The following ZDHHC3 variants were observed in gnomAD, a reference collection of about 807,000 sequenced individuals.
The protein encoded by ZDHHC3 is zDHHC palmitoyltransferase 3, also known as palmitoyltransferase ZDHHC3.
A neutral mutation model predicts 30.6 loss-of-function variants in ZDHHC3; 9 were observed. The ratio of observed to expected loss-of-function variants is 0.29; its 90% CI spans 0.18 to 0.51. The LOEUF (loss-of-function observed/expected upper bound fraction) is 0.51, where lower values mean the gene tolerates loss of function less well. Among genes scored for constraint, ZDHHC3 ranks in the 20% least tolerant of loss-of-function variants. The pLI is 0.97. For synonymous variants in ZDHHC3, 136 were observed against 140.2 expected (o/e 0.97, Z 0.21); for missense variants, 246 against 384.2 (o/e 0.64, Z 3.01).
At chr3:44,937,918 T>A (rs1702118218) in intron 3 of ZDHHC3, 3 of 489,126 alleles carry the variant, frequency 6.1e-6, no homozygotes, top group Admixed American at 4.2e-5. Flanking sequence ...TCTGCCCTGA[T>A]CATCAAAGCC....
Position 44,933,111 on chromosome 3 carries a change from T to A in ZDHHC3, c.610+7A>T, listed in dbSNP as rs1019440117. ...GAGCAGGGAGGAAAGCCTCAGCACA[T>A]ACTCACTTGTCCAATCTTCTTCAAA... On this transcript the variant is annotated splice_region_variant and intron_variant, in intron 5 of 6. Coordinates refer to ENST00000424952, the MANE Select transcript of ZDHHC3 (RefSeq NM_001135179.2). 5 of 1,613,952 alleles carry A rather than the reference T, an allele frequency of 3.1e-6. No homozygotes were observed. Among genetic ancestry groups the A allele is most frequent in the Non-Finnish European group, 2.5e-6 (3 of 1,179,974 alleles).
chr3:44,975,791 C>CAT (rs1705921952), intron 1 of ZDHHC3, 142 bp downstream of exon 1: 1 of 160,386 alleles, frequency 6.2e-6, no homozygotes, highest in Non-Finnish European at 1.3e-5. Flanking sequence ...CACACACACA[C>CAT]ACACACACAC....
rs905621107 is a variant in ZDHHC3, at chr3:44,923,066, A to G, written c.*3623T>C. On this transcript the variant is annotated 3_prime_UTR_variant, in exon 7 of 7. Transcript: ENST00000424952. ...TCTGTGTAATGCCAACCTCACATAC[A>G]TGTTTAAAATGTTTGTTTTTTTTTT... 6 of 973,924 alleles carry G rather than the reference A, an allele frequency of 6.2e-6. No individual in the cohort carries two copies. The highest frequency in any genetic ancestry group is 7.2e-6 in the Non-Finnish European group (6 of 828,162). 60.3% of individuals were successfully genotyped at this position (973,924 alleles called of 1,614,324 possible). A position where few individuals can be genotyped will look rare whatever the true frequency, so the allele number is the denominator to read the frequency against.
At chr3:44,951,336 G>A (rs1703429571) in intron 2 of ZDHHC3, among the ~76,000 whole-genome samples, 4 of 152,206 alleles carry the variant, frequency 2.6e-5, no homozygotes. Flanking sequence ...TTTCAGTGCA[G>A]AAGGAACATA....
Position 44,959,370 on chromosome 3 carries a change from T to A in ZDHHC3, c.67A>T (p.Lys23Ter), listed in dbSNP as rs1380170338. ...ERKPEYLQPE[K>*]CVPPPYPGPV... ...CCAGGGTAGGGGGGTGGGACACACT[T>A]CTCTGGCTGGAGGTATTCTGGTTTC... The change falls in exon 2 of 7, where the codon AAG becomes TAG. Residue 23 changes from lysine to a stop codon, truncating the protein, a stop_gained. Transcript: ENST00000424952. LOFTEE classifies it high-confidence loss of function. This position sits in a 1 kb window ranked among gnomAD's most constrained non-coding sequence, Gnocchi z 4.3. The A allele has an allele frequency of 6.2e-7, 1 of 1,614,094 alleles. No homozygotes were observed. The highest frequency in any genetic ancestry group is 8.5e-7 in the Non-Finnish European group (1 of 1,180,042).
At chr3:44,929,784 AG>A (rs1207280505) in intron 5 of ZDHHC3, among the ~76,000 whole-genome samples, 8 of 152,202 alleles carry the variant, frequency 5.3e-5, no homozygotes, top group African/African-American at 1.9e-4. Context: ...ACGACACCAC[AG>A]GGGACCCTGC....
chr3:44,922,581 C>T lies in ZDHHC3; in HGVS notation c.*4108G>A, dbSNP rs1700672756. On this transcript the variant is annotated 3_prime_UTR_variant, in exon 7 of 7. Transcript: ENST00000424952. ...TCTCACAATCAGCACACCCCAACTG[C>T]ACTATGCTGAGCCCAGCAGCACACA... The T allele has an allele frequency of 4.1e-6, 4 of 985,384 alleles. No homozygotes were observed. Among genetic ancestry groups the T allele is most frequent in the Non-Finnish European group, 4.8e-6 (4 of 829,918 alleles). 61.0% of individuals were successfully genotyped at this position (985,384 alleles called of 1,614,324 possible).
intron 1 of ZDHHC3, among the ~76,000 whole-genome samples, chr3:44,973,299 C>T (rs374221214): frequency 1.3e-5 from 2 of 152,106 alleles, no homozygotes; most frequent in East Asian, 3.9e-4. Context: ...GAGAGCTAGA[C>T]TGCCTGGTCT....
intron 1 of ZDHHC3, among the ~76,000 whole-genome samples, chr3:44,970,834 C>T (rs1028374573): frequency 5.9e-5 from 9 of 152,124 alleles, no homozygotes; most frequent in Non-Finnish European, 1.0e-4. Context: ...GTCTTAAAAA[C>T]CCCAATTTAA....
At chr3:44,957,452 A>C (rs1704051077) in intron 2 of ZDHHC3, among the ~76,000 whole-genome samples, 1 of 152,182 alleles carries the variant, frequency 6.6e-6, no homozygotes, top group African/African-American at 2.4e-5. Flanking sequence ...GTAAAATGAC[A>C]GTTTTGTTTA....
At chr3:44,961,925 C>A (rs1211462284) in intron 1 of ZDHHC3, among the ~76,000 whole-genome samples, 1 of 152,186 alleles carries the variant, frequency 6.6e-6, no homozygotes, top group East Asian at 1.9e-4. Context: ...AACCCACAAG[C>A]CCTAGACATT....
rs111621436 is a variant in ZDHHC3, at chr3:44,923,764, C to T, written c.*2925G>A. The T allele has an allele frequency of 2.1e-6, 2 of 975,228 alleles. No homozygotes were observed. The highest frequency in any genetic ancestry group is 9.5e-5 in the South Asian group (2 of 21,066). The allele number at this position is 975,228 out of a possible 1,614,324, so 60.4% of individuals were successfully genotyped here. A position where few individuals can be genotyped will look rare whatever the true frequency, so the allele number is the denominator to read the frequency against. On this transcript the variant is annotated 3_prime_UTR_variant, in exon 7 of 7. Coordinates refer to ENST00000424952, the MANE Select transcript of ZDHHC3 (RefSeq NM_001135179.2). ...GCTGCAGTGAGCTCTAATTGTGCCA[C>T]TGCATTCCAGCCTGGGTGACAGAGC...
chr3:44,970,676 T>C (rs1705335982), intron 1 of ZDHHC3, among the ~76,000 whole-genome samples: 1 of 152,224 alleles, frequency 6.6e-6, no homozygotes, highest in African/African-American at 2.4e-5. Context: ...CTAGTAACTA[T>C]CTCTCTTAGC....
intron 3 of ZDHHC3, among the ~76,000 whole-genome samples, chr3:44,940,555 A>AG (rs771846360): frequency 1.3e-5 from 2 of 152,352 alleles, no homozygotes; most frequent in African/African-American, 2.4e-5. Context: ...ACAGGGACCA[A>AG]GTGTGCAAAA....
chr3:44,916,751 G>C lies in ZDHHC3; in HGVS notation c.*9938C>G, dbSNP rs1700198449. 6.6e-6 allele frequency: 1 copy of C among 152,242 alleles called. No homozygotes were observed. Among genetic ancestry groups the C allele is most frequent in the Admixed American group, 6.5e-5 (1 of 15,286 alleles). 9.4% of individuals were successfully genotyped at this position (152,242 alleles called of 1,614,324 possible). ...TGGGGTTTAGGAGCACCAGAACGCTGCTCAGACCTTCAGCAGTGGTCACAG... is the reference window on the plus strand; with the variant it reads ...TGGGGTTTAGGAGCACCAGAACGCTCCTCAGACCTTCAGCAGTGGTCACAG... On this transcript the variant is annotated 3_prime_UTR_variant, in exon 7 of 7. Coordinates refer to ENST00000424952, the MANE Select transcript of ZDHHC3 (RefSeq NM_001135179.2).
chr3:44,943,520 G>C (rs1024476429), intron 3 of ZDHHC3, among the ~76,000 whole-genome samples: 1 of 152,158 alleles, frequency 6.6e-6, no homozygotes, highest in African/African-American at 2.4e-5. Context: ...TGAAAGACAG[G>C]CAGCAAGGCC....
chr3:44,960,302 G>A (rs1284313529), intron 1 of ZDHHC3, among the ~76,000 whole-genome samples: 2 of 152,202 alleles, frequency 1.3e-5, no homozygotes, highest in African/African-American at 4.8e-5. Flanking sequence ...CCTCCTCCCA[G>A]GATTGCTGGT....
intron 6 of ZDHHC3, among the ~76,000 whole-genome samples, chr3:44,927,527 C>T (rs1308037917): frequency 1.3e-5 from 2 of 152,016 alleles, no homozygotes; most frequent in African/African-American, 4.8e-5. Flanking sequence ...GGGATTAGTA[C>T]AGGTTAGAGG....
At position 44,921,867 on chromosome 3, in the gene ZDHHC3, G is replaced by C; in HGVS notation, c.*4822C>G. 1 of 985,376 alleles carries C rather than the reference G, an allele frequency of 1.0e-6. No homozygotes were observed. The highest frequency in any genetic ancestry group is 1.2e-6 in the Non-Finnish European group (1 of 829,922). 61.0% of individuals were successfully genotyped at this position (985,376 alleles called of 1,614,324 possible). A position where few individuals can be genotyped will look rare whatever the true frequency, so the allele number is the denominator to read the frequency against. ...ATATGGCCTCAGCTGCAGAAATTCA[G>C]GGCATCCTTATGTCCGTGTTAGAGC... On this transcript the variant is annotated 3_prime_UTR_variant, in exon 7 of 7. Coordinates refer to ENST00000424952, the MANE Select transcript of ZDHHC3 (RefSeq NM_001135179.2).
Sources: gnomAD v4.1 joint callset for allele counts (sites outside exome capture counted in the v4.1 genomes callset) on GRCh38, gnomAD v4.1.1 for gene constraint, Gnocchi (gnomAD v3.1) non-coding constraint, MANE v1.5 for transcripts, NCBI Gene and HGNC (gene_info 2026-07-23, HGNC 2026-07-21) for gene names.